NRG3: variants seen among roughly 807,000 people sequenced by gnomAD.
NRG3 encodes neuregulin 3.
In NRG3, 31 loss-of-function variants were observed where a neutral mutation model predicts 66.9. The ratio of observed to expected loss-of-function variants is 0.46; its 90% CI spans 0.35 to 0.63. The LOEUF is 0.63. NRG3 is among the 20% of genes least tolerant of loss of function. The pLI, the probability that NRG3 is intolerant of heterozygous loss-of-function variation, is 0.00. For missense variants in NRG3, 910 were observed against 878.9 expected, an observed-to-expected ratio of 1.04 and a Z score of -0.45; for synonymous variants, 393 against 359.4, an observed-to-expected ratio of 1.09 and a Z score of -1.06.
chr10:82,754,538 G>T (rs920847090), intron 3 of NRG3, among the ~76,000 whole-genome samples: 1 of 118,170 alleles, frequency 8.5e-6, no homozygotes, highest in South Asian at 2.8e-4. Context: ...GGGGGGAAAA[G>T]AAAAAAAAAA....
At chr10:81,995,077 G>C (rs1026851047) in intron 1 of NRG3, among the ~76,000 whole-genome samples, 1 of 152,036 alleles carries the variant, frequency 6.6e-6, no homozygotes, top group African/African-American at 2.4e-5. Flanking sequence ...CTGCTGAATG[G>C]AGCTCAAGAT....
intron 1 of NRG3, among the ~76,000 whole-genome samples, chr10:81,876,414 T>A (rs1439030706): frequency 6.6e-6 from 1 of 151,854 alleles, no homozygotes; most frequent in Non-Finnish European, 1.5e-5. Flanking sequence ...CTTTAGCGGG[T>A]CCCAAGTGAG....
At chr10:82,798,726 A>G (rs1401884498) in intron 3 of NRG3, among the ~76,000 whole-genome samples, 1 of 152,260 alleles carries the variant, frequency 6.6e-6, no homozygotes, top group Non-Finnish European at 1.5e-5. Flanking sequence ...AGAGTTCTCG[A>G]AACATCTGCA....
intron 3 of NRG3, among the ~76,000 whole-genome samples, chr10:82,860,738 GT>G (rs1467340499): frequency 6.6e-6 from 1 of 152,196 alleles, no homozygotes; most frequent in African/African-American, 2.4e-5. Flanking sequence ...GAAGTTATAT[GT>G]TCAAACATAT....
In NRG3 at chr10:82,747,158, CAA is replaced by C. The variant is rs148653334; in HGVS notation, c.1027+8509_1027+8510del. On this transcript the variant is annotated intron_variant, in intron 3 of 8. Coordinates refer to ENST00000372141, the MANE Select transcript of NRG3 (RefSeq NM_001010848.4). ...TATTTTGTAACTTCTACTTCCCACT[CAA>C]TATATTGTGAGCTTTTTCCCACAGA... 4.8e-3 allele frequency among the ~76,000 whole-genome samples: 727 copies of C among 152,126 alleles called. 4 individuals are homozygous for C. Among genetic ancestry groups the C allele is most frequent in the African/African-American group, 0.016 (671 of 41,550 alleles).
chr10:82,330,997 T>C (rs1408525183), intron 1 of NRG3, among the ~76,000 whole-genome samples: 1 of 152,190 alleles, frequency 6.6e-6, no homozygotes, highest in Non-Finnish European at 1.5e-5. Context: ...AGAAATCTCA[T>C]TGTCTGCAAT....
intron 1 of NRG3, among the ~76,000 whole-genome samples, chr10:81,892,930 C>T (rs1200533934): frequency 6.6e-6 from 1 of 152,036 alleles, no homozygotes; most frequent in Non-Finnish European, 1.5e-5. Flanking sequence ...CTCATGTAAT[C>T]CATAAATATA....
intron 5 of NRG3, among the ~76,000 whole-genome samples, chr10:82,952,547 G>A (rs4126409): frequency 0.47 from 65,851 of 141,094 alleles, 16,280 homozygotes; most frequent in Non-Finnish European, 0.57. Context: ...TCTGGTAGAC[G>A]TATTTCATTT....
At chr10:82,427,083 G>T (rs2089497310) in intron 2 of NRG3, among the ~76,000 whole-genome samples, 1 of 147,606 alleles carries the variant, frequency 6.8e-6, no homozygotes, top group Non-Finnish European at 1.5e-5. Flanking sequence ...GGGTATGTGT[G>T]GGTGTGCATT....
Position 81,875,920 on chromosome 10 carries a change from C to T in NRG3, c.580C>T (p.Pro194Ser), listed in dbSNP as rs1841586654. The change falls in exon 1 of 9, where the codon CCG becomes TCG. Residue 194 changes from proline (P) to serine (S), a missense_variant. By Grantham distance (74) the Pro-to-Ser change is moderately conservative. Coordinates refer to ENST00000372141, the MANE Select transcript of NRG3 (RefSeq NM_001010848.4). The surrounding 1 kb of genome is among the most constrained non-coding windows in gnomAD (Gnocchi z 5.3). The part of the protein sequence containing the change: ...ARNTAAPATV[P>S]STTAPFFSSS... ...GAACACTGCGGCCCCTGCGACGGTCCCGTCCACCACGGCCCCGTTCTTCAG... is the reference window on the plus strand; with the variant it reads ...GAACACTGCGGCCCCTGCGACGGTCTCGTCCACCACGGCCCCGTTCTTCAG... 4 of 1,613,402 alleles carry T rather than the reference C, an allele frequency of 2.5e-6. No homozygotes were observed. Among genetic ancestry groups the T allele is most frequent in the Non-Finnish European group, 3.4e-6 (4 of 1,180,002 alleles).
chr10:82,185,812 A>G (rs1273107772), intron 1 of NRG3, among the ~76,000 whole-genome samples: 1 of 152,034 alleles, frequency 6.6e-6, no homozygotes, highest in East Asian at 1.9e-4. Context: ...TTTACATCTC[A>G]TCATTGGTTT....
In NRG3 at chr10:82,374,261, G is replaced by A. The variant is rs529521954; in HGVS notation, c.953+15393G>A. Among the ~76,000 whole-genome samples the A allele has an allele frequency of 9.9e-5, 15 of 152,230 alleles. No individual in the cohort carries two copies. The South Asian group carries it at 1.7e-3, about 17-fold the overall frequency. Reference sequence around the variant, plus strand: ...GTTCATGTTAAATATGCAAAGAAACGTTGTATCCACATTTGATACATGACA... The same window carrying A: ...GTTCATGTTAAATATGCAAAGAAACATTGTATCCACATTTGATACATGACA... On this transcript the variant is annotated intron_variant, in intron 2 of 8. Coordinates refer to ENST00000372141, the MANE Select transcript of NRG3 (RefSeq NM_001010848.4).
Position 82,651,790 on chromosome 10 carries a change from A to G in NRG3, c.954-86787A>G, listed in dbSNP as rs545146159. ...CTGGCCTCATAGATATATGAGGTAT[A>G]TATTCATCCCCAAATATCAGTAGTT... On this transcript the variant is annotated intron_variant, in intron 2 of 8. Coordinates refer to ENST00000372141, the MANE Select transcript of NRG3 (RefSeq NM_001010848.4). 2.4e-3 allele frequency among the ~76,000 whole-genome samples: 364 copies of G among 152,312 alleles called. 1 individual carries two copies. The highest frequency in any genetic ancestry group is 3.8e-3 in the Non-Finnish European group (258 of 68,028).
intron 1 of NRG3, among the ~76,000 whole-genome samples, chr10:82,190,910 T>C (rs947768259): frequency 6.6e-6 from 1 of 152,162 alleles, no homozygotes; most frequent in African/African-American, 2.4e-5. Flanking sequence ...CCCACAGATA[T>C]AACTCTAGTA....
intron 6 of NRG3, among the ~76,000 whole-genome samples, chr10:82,972,431 C>T (rs185489202): frequency 4.4e-4 from 67 of 152,032 alleles, no homozygotes; most frequent in Non-Finnish European, 7.8e-4. Flanking sequence ...ATTTTAAAGC[C>T]GACATTTTAA....
At chr10:81,972,771 AT>A in intron 1 of NRG3, among the ~76,000 whole-genome samples, 1 of 152,156 alleles carries the variant, frequency 6.6e-6, no homozygotes, top group Admixed American at 6.6e-5. Flanking sequence ...ATAACGGTTG[AT>A]TTTTTTCAAG....
At chr10:82,967,018 A>G (rs943350936) in intron 6 of NRG3, among the ~76,000 whole-genome samples, 1 of 151,792 alleles carries the variant, frequency 6.6e-6, no homozygotes, top group African/African-American at 2.4e-5. Context: ...CCATGGAAAT[A>G]GCTAGTTTCT....
chr10:82,729,947 C>A (rs2057806693), intron 2 of NRG3, among the ~76,000 whole-genome samples: 1 of 152,176 alleles, frequency 6.6e-6, no homozygotes, highest in East Asian at 1.9e-4. Context: ...GCATGCAGCA[C>A]AACACCTGGA....
intron 2 of NRG3, among the ~76,000 whole-genome samples, chr10:82,567,385 T>C (rs1236079755): frequency 6.6e-6 from 1 of 151,940 alleles, no homozygotes; most frequent in African/African-American, 2.4e-5. Context: ...AACTAAACAA[T>C]GCCTGGAAAA....
Sources: gnomAD v4.1 joint callset for allele counts (sites outside exome capture counted in the v4.1 genomes callset) on GRCh38, gnomAD v4.1.1 for gene constraint, Gnocchi (gnomAD v3.1) non-coding constraint, MANE v1.5 for transcripts, NCBI Gene and HGNC (gene_info 2026-07-23, HGNC 2026-07-21) for gene names.